Variants in GRM7 observed in about 807,000 individuals in gnomAD.
GRM7 encodes the protein glutamate metabotropic receptor 7.
GRM7 carries 35 observed loss-of-function variants against 84.5 expected under a neutral mutation model. The observed-to-expected ratio is 0.41, with a 90% CI of 0.32 to 0.55. GRM7 has a LOEUF of 0.55. Among genes scored for constraint, GRM7 ranks in the 20% least tolerant of loss-of-function variants. The probability of loss-of-function intolerance (pLI) is 0.19; values close to 1 mark genes in which losing one functional copy is unlikely to be tolerated. For synonymous variants in GRM7, 487 were observed against 455.1 expected (o/e 1.07, Z -0.89); for missense variants, 1,003 against 1,194.6 (o/e 0.84, Z 2.36).
chr3:6,992,298 G>T (rs188827266), intron 1 of GRM7, among the ~76,000 whole-genome samples: 21 of 152,246 alleles, frequency 1.4e-4, no homozygotes, highest in African/African-American at 5.1e-4. Context: ...TGATTTTTAG[G>T]AGTCCTTAAA....
At chr3:7,173,534 T>C (rs1247704378) in intron 2 of GRM7, among the ~76,000 whole-genome samples, 1 of 152,230 alleles carries the variant, frequency 6.6e-6, no homozygotes, top group African/African-American at 2.4e-5. Context: ...AGCTTCTAAG[T>C]AACTTGGCCC....
chr3:7,216,459 A>G (rs554315302), intron 2 of GRM7, among the ~76,000 whole-genome samples: 1 of 152,202 alleles, frequency 6.6e-6, no homozygotes, highest in Non-Finnish European at 1.5e-5. Flanking sequence ...AAAGTAGTAC[A>G]TCCCCAAACT....
At chr3:7,195,707 A>G (rs953292793) in intron 2 of GRM7, among the ~76,000 whole-genome samples, 13 of 152,170 alleles carry the variant, frequency 8.5e-5, no homozygotes, top group African/African-American at 3.1e-4. Context: ...ATAGCAGAGA[A>G]TATTAAAGAG....
At chr3:7,330,971 A>T (rs1316487560) in intron 4 of GRM7, among the ~76,000 whole-genome samples, 1 of 152,154 alleles carries the variant, frequency 6.6e-6, no homozygotes, top group African/African-American at 2.4e-5. Flanking sequence ...TCTCATGAAC[A>T]CCACATCATC....
chr3:7,682,166 T>A (rs984443808), intron 9 of GRM7: 3 of 151,522 alleles, frequency 2.0e-5, no homozygotes, highest in Non-Finnish European at 4.4e-5. Flanking sequence ...AGAAACCCCG[T>A]CTCTACTAAA....
intron 7 of GRM7, among the ~76,000 whole-genome samples, chr3:7,475,139 C>A (rs901383960): frequency 5.9e-5 from 9 of 152,166 alleles, no homozygotes; most frequent in African/African-American, 2.2e-4. Context: ...ACAAGGAAGA[C>A]AGAAAGGATG....
chr3:7,347,203 T>C (rs1449421757), intron 4 of GRM7, among the ~76,000 whole-genome samples: 1 of 152,126 alleles, frequency 6.6e-6, no homozygotes, highest in African/African-American at 2.4e-5. Context: ...CTCCGAAATT[T>C]AAATAGAGTG....
At chr3:7,710,652 G>A (rs900493713) in intron 9 of GRM7, among the ~76,000 whole-genome samples, 1 of 152,094 alleles carries the variant, frequency 6.6e-6, no homozygotes, top group African/African-American at 2.4e-5. Flanking sequence ...GTGGAGCAAA[G>A]TTGGGGCATT....
intron 4 of GRM7, among the ~76,000 whole-genome samples, chr3:7,307,383 G>C (rs1310241617): frequency 1.3e-5 from 2 of 152,126 alleles, no homozygotes; most frequent in Non-Finnish European, 2.9e-5. Flanking sequence ...CTGATAGCCT[G>C]CTTTGTGTTC....
chr3:7,452,845 G>T, intron 6 of GRM7, 38 bp downstream of exon 6: 3 of 1,270,028 alleles, frequency 2.4e-6, no homozygotes, highest in Non-Finnish European at 3.4e-6. Flanking sequence ...GGAATCCTAA[G>T]TGTTGGCATT....
At chr3:6,949,261 A>C (rs551657315) in intron 1 of GRM7, among the ~76,000 whole-genome samples, 56 of 152,264 alleles carry the variant, frequency 3.7e-4, no homozygotes, top group African/African-American at 6.0e-4. Context: ...GTGGTGACAA[A>C]ATCTCTCAGC....
At chr3:7,472,230 A>G (rs1473341038) in intron 7 of GRM7, among the ~76,000 whole-genome samples, 1 of 152,190 alleles carries the variant, frequency 6.6e-6, no homozygotes, top group Non-Finnish European at 1.5e-5. Flanking sequence ...TCCATATATC[A>G]CAATCATGAG....
chr3:7,458,840 GAA>G (rs2124903281), intron 6 of GRM7, among the ~76,000 whole-genome samples: 1 of 152,252 alleles, frequency 6.6e-6, no homozygotes, highest in African/African-American at 2.4e-5. Flanking sequence ...CAATGTGAAA[GAA>G]AAAGGTGAGT....
chr3:7,537,201 T>A (rs2125011701), intron 7 of GRM7, among the ~76,000 whole-genome samples: 1 of 152,294 alleles, frequency 6.6e-6, no homozygotes, highest in East Asian at 1.9e-4. Context: ...CTCTCTCCTC[T>A]TTTGGCCCAC....
intron 8 of GRM7, among the ~76,000 whole-genome samples, chr3:7,590,062 G>A (rs1374388532): frequency 6.6e-6 from 1 of 152,128 alleles, no homozygotes; most frequent in African/African-American, 2.4e-5. Context: ...ACCACCCCGA[G>A]CTAGATATTC....
At chr3:7,204,251 C>G (rs1696160388) in intron 2 of GRM7, among the ~76,000 whole-genome samples, 1 of 152,122 alleles carries the variant, frequency 6.6e-6, no homozygotes, top group South Asian at 2.1e-4. Context: ...GGCCTCGTGT[C>G]AGTATTTAAA....
intron 9 of GRM7, among the ~76,000 whole-genome samples, chr3:7,692,325 G>T (rs577750418): frequency 1.9e-4 from 29 of 152,268 alleles, no homozygotes; most frequent in African/African-American, 6.3e-4. Context: ...TAGTTCTGGG[G>T]TATGTCTTGA....
At chr3:7,078,857 T>G (rs980908908) in intron 1 of GRM7, among the ~76,000 whole-genome samples, 8 of 151,414 alleles carry the variant, frequency 5.3e-5, no homozygotes, top group South Asian at 2.1e-4. Context: ...GAGTTTGTTT[T>G]TTTTTTTTCA....
Position 7,019,397 on chromosome 3 carries a change from TCATA to T in GRM7, c.520-127052_520-127049del, listed in dbSNP as rs1473735866. Among the ~76,000 whole-genome samples the T allele has an allele frequency of 2.6e-5, 4 of 152,146 alleles. No homozygotes were observed. The East Asian group carries it at 5.8e-4, about 22-fold the overall frequency. ...TGATGTCGTGTCCGCTATTATAGTC[TCATA>T]CAGAGTATTTTCACTGCTATAAAAA... On this transcript the variant is annotated intron_variant, in intron 1 of 9. Transcript: ENST00000357716.
Sources: allele counts gnomAD v4.1 joint callset (sites outside exome capture counted in the v4.1 genomes callset), GRCh38; gene constraint gnomAD v4.1.1; transcripts MANE v1.5; gene names NCBI Gene and HGNC (gene_info 2026-07-23, HGNC 2026-07-21).